Variants in DMD observed in about 807,000 individuals in gnomAD.
The protein encoded by DMD is dystrophin, also known as mutant dystrophin.
Under a neutral mutation model 330.1 loss-of-function variants are expected in DMD, and 63 were observed. The observed-to-expected ratio is 0.19, with a 90% CI of 0.16 to 0.24. The LOEUF (loss-of-function observed/expected upper bound fraction) is 0.24. Ranked by LOEUF, DMD falls within the 10% of genes least tolerant of loss-of-function variation. DMD has a pLI of 1.00. For synonymous variants in DMD, 1,223 were observed against 959.8 expected (o/e 1.27, Z -5.07); for missense variants, 3,344 against 2,684.1 (o/e 1.25, Z -5.43).
intron 43 of DMD, among the ~76,000 whole-genome samples, chrX:32,255,413 A>G (rs1343905382): frequency 1.0e-5 from 1 of 96,305 alleles, no homozygotes; most frequent in African/African-American, 3.9e-5. Flanking sequence ...TCATTCATTT[A>G]CATATTGTCT....
chrX:32,004,456 C>A (rs1400768417), intron 44 of DMD, among the ~76,000 whole-genome samples: 1 of 111,511 alleles, frequency 9.0e-6, no homozygotes, highest in Non-Finnish European at 1.9e-5. Context: ...CTTTCAGCCA[C>A]AAGATTGAAT....
intron 7 of DMD, among the ~76,000 whole-genome samples, chrX:32,766,630 A>G (rs2073020710): frequency 9.0e-6 from 1 of 111,431 alleles, no homozygotes; most frequent in African/African-American, 3.3e-5. Flanking sequence ...ATAAGATCAT[A>G]TCATCTGAGA....
chrX:32,231,261 C>T (rs986733335), intron 43 of DMD, among the ~76,000 whole-genome samples: 3 of 112,398 alleles, frequency 2.7e-5, no homozygotes, highest in Non-Finnish European at 3.8e-5. Context: ...TATTTTAAAA[C>T]GAATGGCAGA....
At chrX:31,488,062 G>C (rs1218460594) in intron 57 of DMD, among the ~76,000 whole-genome samples, 4 of 112,039 alleles carry the variant, frequency 3.6e-5, no homozygotes, top group Admixed American at 1.9e-4. Context: ...AGTCCAGCCT[G>C]CTTGCAGGTC....
chrX:32,233,646 T>G lies in DMD; in HGVS notation c.6291-16583A>C, dbSNP rs781176619. Among the ~76,000 whole-genome samples, 23 of 102,222 alleles carry G rather than the reference T, an allele frequency of 2.2e-4. No individual in the cohort carries two copies. The East Asian group carries it at 6.8e-3, about 30-fold the overall frequency. The allele number at this position is 102,222 out of a possible 115,157, so 88.8% of individuals were successfully genotyped here. On this transcript the variant is annotated intron_variant, in intron 43 of 78. Transcript: ENST00000357033. ...TTATTTATTTATTTATTTATTTATT[T>G]ATTGAGACGGAGCTTCGCTCTTGTT...
At chrX:32,470,670 T>G (rs2040532963) in intron 22 of DMD, among the ~76,000 whole-genome samples, 1 of 111,356 alleles carries the variant, frequency 9.0e-6, no homozygotes, top group Non-Finnish European at 1.9e-5. Flanking sequence ...GGAATCATTA[T>G]GCCAAGCATT....
chrX:33,139,134 C>A (rs1022618272), intron 1 of DMD, among the ~76,000 whole-genome samples: 1 of 110,144 alleles, frequency 9.1e-6, no homozygotes, highest in Non-Finnish European at 1.9e-5. Context: ...CATAAGGAGA[C>A]CCCATTTCTA....
intron 34 of DMD, among the ~76,000 whole-genome samples, chrX:32,375,405 A>G (rs903038570): frequency 1.3e-4 from 15 of 112,069 alleles, no homozygotes; most frequent in African/African-American, 4.9e-4. Flanking sequence ...TGAAACCAAT[A>G]ATACTCACGA....
chrX:32,089,800 A>G (rs1386183686), intron 44 of DMD, among the ~76,000 whole-genome samples: 1 of 112,162 alleles, frequency 8.9e-6, no homozygotes, highest in Non-Finnish European at 1.9e-5. Context: ...TCCTCTGGGT[A>G]TATGCCCAAT....
chrX:31,973,330 C>G (rs2095413339), intron 44 of DMD, among the ~76,000 whole-genome samples: 1 of 109,366 alleles, frequency 9.1e-6, no homozygotes, highest in Non-Finnish European at 1.9e-5. Flanking sequence ...TATAGAAAAG[C>G]AACTAGGAAG....
intron 73 of DMD, among the ~76,000 whole-genome samples, chrX:31,170,401 C>T (rs1262562233): frequency 9.0e-6 from 1 of 110,993 alleles, no homozygotes; most frequent in Non-Finnish European, 1.9e-5. Context: ...ACTAGGAACT[C>T]TCTAATACAC....
chrX:31,557,151 T>C (rs1207943824), intron 55 of DMD, among the ~76,000 whole-genome samples: 3 of 111,968 alleles, frequency 2.7e-5, no homozygotes, highest in African/African-American at 9.7e-5. Flanking sequence ...GAACAGCTCA[T>C]GGTTGAGGAG....
chrX:31,305,205 G>C (rs1440533861), intron 62 of DMD, among the ~76,000 whole-genome samples: 1 of 111,722 alleles, frequency 9.0e-6, no homozygotes, highest in African/African-American at 3.2e-5. Flanking sequence ...ATTGTAGAAA[G>C]AGTTGATCAA....
At chrX:32,813,104 T>C (rs1471716453) in intron 6 of DMD, among the ~76,000 whole-genome samples, 1 of 111,943 alleles carries the variant, frequency 8.9e-6, no homozygotes, top group Non-Finnish European at 1.9e-5. Context: ...TGTGGATATC[T>C]TATCTAAGTC....
chrX:32,707,622 CA>C (rs2064798112), intron 7 of DMD, among the ~76,000 whole-genome samples: 1 of 111,983 alleles, frequency 8.9e-6, no homozygotes. Context: ...AGGAAATTTT[CA>C]AAATTGTCTC....
chrX:31,806,239 G>A (rs1023666014), intron 50 of DMD, among the ~76,000 whole-genome samples: 16 of 111,367 alleles, frequency 1.4e-4, no homozygotes, highest in Non-Finnish European at 3.8e-5. Flanking sequence ...GCCTCAAATC[G>A]TGTCTTCCAA....
At chrX:32,579,606 TAGC>T (rs2053435746) in intron 13 of DMD, among the ~76,000 whole-genome samples, 1 of 112,888 alleles carries the variant, frequency 8.9e-6, no homozygotes, top group African/African-American at 3.2e-5. Flanking sequence ...TATTTTGTTT[TAGC>T]AGAAGTTTGA....
At chrX:31,473,977 C>A (rs1033668671) in intron 59 of DMD, among the ~76,000 whole-genome samples, 5 of 111,483 alleles carry the variant, frequency 4.5e-5, no homozygotes, top group African/African-American at 1.6e-4. Context: ...CATGATCTTG[C>A]CCTTAAAATA....
At chrX:32,864,780 T>C (rs1336319338) in intron 2 of DMD, among the ~76,000 whole-genome samples, 1 of 111,920 alleles carries the variant, frequency 8.9e-6, no homozygotes, top group Non-Finnish European at 1.9e-5. Context: ...TTGAAAAATG[T>C]GGCTTTTTAT....
Sources: gnomAD v4.1 joint callset for allele counts (sites outside exome capture counted in the v4.1 genomes callset) on GRCh38, gnomAD v4.1.1 for gene constraint, MANE v1.5 for transcripts, NCBI Gene and HGNC (gene_info 2026-07-23, HGNC 2026-07-21) for gene names.